The following RUNX1 variants were observed in gnomAD, a reference collection of about 807,000 sequenced individuals.
RUNX1 encodes runt-related transcription factor 1.
In RUNX1, 19 loss-of-function variants were observed where a neutral mutation model predicts 42.8. That is an observed-to-expected ratio of 0.44 (90% CI 0.31 to 0.65). The LOEUF (loss-of-function observed/expected upper bound fraction) is 0.65. RUNX1 is among the 30% of genes least tolerant of loss of function. The pLI, the probability that RUNX1 is intolerant of heterozygous loss-of-function variation, is 0.07. For missense variants in RUNX1, 528 were observed against 672.0 expected, an observed-to-expected ratio of 0.79 and a Z score of 2.37; for synonymous variants, 271 against 289.4, an observed-to-expected ratio of 0.94 and a Z score of 0.64.
In RUNX1 at chr21:35,045,948, T is replaced by G. The variant is rs143365361; in HGVS notation, c.58+2894A>C. 3.3e-5 allele frequency among the ~76,000 whole-genome samples: 5 copies of G among 152,226 alleles called. No individual in the cohort carries two copies. In the East Asian group the frequency reaches 9.7e-4, roughly 30 times the overall value. On this transcript the variant is annotated intron_variant, in intron 2 of 8. Transcript: ENST00000675419. ...GGCATGTGAGTGTTCAGGCTTTGCA[T>G]AGACCACTAAGCCACTTCTAAGAAC... is the stretch of plus-strand genomic sequence containing the variant.
At chr21:34,874,564 C>T (rs2057786092) in intron 5 of RUNX1, among the ~76,000 whole-genome samples, 1 of 128,710 alleles carries the variant, frequency 7.8e-6, no homozygotes. Context: ...GAGCTGAGAT[C>T]ACACCACTGC....
At position 34,992,124 on chromosome 21, in the gene RUNX1, G is replaced by C. The variant is rs186555332; in HGVS notation, c.58+56718C>G. Among the ~76,000 whole-genome samples the C allele has an allele frequency of 3.9e-4, 60 of 152,384 alleles. 1 individual carries two copies. The highest frequency in any genetic ancestry group is 1.3e-3 in the African/African-American group (56 of 41,596). ...AATGTGTTATGGCAAGCATGGGAAA[G>C]TAACGCACCCCCTCTCAGGAGAGTG... is the stretch of plus-strand genomic sequence containing the variant. On this transcript the variant is annotated intron_variant, in intron 2 of 8. Transcript: ENST00000675419.
At chr21:34,817,536 C>T (rs1348197486) in intron 7 of RUNX1, among the ~76,000 whole-genome samples, 1 of 152,144 alleles carries the variant, frequency 6.6e-6, no homozygotes, top group Admixed American at 6.5e-5. Context: ...TGAGTGACTG[C>T]TGGCACCTAA....
intron 6 of RUNX1, among the ~76,000 whole-genome samples, chr21:34,840,108 A>G (rs970630001): frequency 5.3e-5 from 8 of 152,158 alleles, no homozygotes; most frequent in African/African-American, 1.9e-4. Context: ...CTGTCATGAT[A>G]ATCAGTCTGA....
At position 34,894,916 on chromosome 21, in the gene RUNX1, CACACACACACACAT is replaced by C. The variant is rs1428012425; in HGVS notation, c.59-1967_59-1954del. The stretch of plus-strand genomic sequence containing the variant: ...ACACACACACACACACACACACACA[CACACACACACACAT>C]ATTCATATCTACATATAGGTCCACA... On this transcript the variant is annotated intron_variant, in intron 2 of 8. Coordinates refer to ENST00000675419, the MANE Select transcript of RUNX1 (RefSeq NM_001754.5). Among the ~76,000 whole-genome samples the C allele has an allele frequency of 3.8e-3, 550 of 146,564 alleles. 6 individuals carry two copies. Among genetic ancestry groups the C allele is most frequent in the African/African-American group, 0.013 (494 of 37,680 alleles).
At chr21:34,952,531 G>C (rs778874608) in intron 2 of RUNX1, among the ~76,000 whole-genome samples, 1 of 152,042 alleles carries the variant, frequency 6.6e-6, no homozygotes, top group African/African-American at 2.4e-5. Flanking sequence ...GCATGGAATG[G>C]GGTCAATATA....
chr21:34,881,503 G>A (rs1005676761), intron 4 of RUNX1, among the ~76,000 whole-genome samples: 2 of 152,100 alleles, frequency 1.3e-5, no homozygotes, highest in South Asian at 2.1e-4. Context: ...TCAGAAAGAC[G>A]GGACATTCAC....
chr21:34,873,915 A>T (rs565192012), intron 5 of RUNX1, among the ~76,000 whole-genome samples: 3 of 152,352 alleles, frequency 2.0e-5, no homozygotes, highest in African/African-American at 7.2e-5. Context: ...AAGTGCTGCG[A>T]TCTGTCCCCA....
intron 8 of RUNX1, among the ~76,000 whole-genome samples, chr21:34,798,985 A>C (rs994857654): frequency 2.0e-5 from 3 of 152,216 alleles, no homozygotes; most frequent in Non-Finnish European, 4.4e-5. Flanking sequence ...TGGAATAATG[A>C]GTCCTAAAAG....
intron 2 of RUNX1, among the ~76,000 whole-genome samples, chr21:34,970,625 T>G (rs2058757103): frequency 6.6e-6 from 1 of 152,122 alleles, no homozygotes; most frequent in Admixed American, 6.5e-5. Context: ...TGGTCAGAGG[T>G]CGTGTTCCAC....
At chr21:34,846,818 G>C (rs1331714181) in intron 6 of RUNX1, among the ~76,000 whole-genome samples, 1 of 152,214 alleles carries the variant, frequency 6.6e-6, no homozygotes, top group Non-Finnish European at 1.5e-5. Flanking sequence ...ATCACCCGAA[G>C]AATAGAACGG....
At chr21:35,022,624 G>A (rs569147346) in intron 2 of RUNX1, among the ~76,000 whole-genome samples, 1 of 152,320 alleles carries the variant, frequency 6.6e-6, no homozygotes, top group Non-Finnish European at 1.5e-5. Flanking sequence ...GCTGGGCGCT[G>A]TAGCTCAGGC....
chr21:34,808,064 A>C (rs2056705779), intron 7 of RUNX1, among the ~76,000 whole-genome samples: 1 of 152,228 alleles, frequency 6.6e-6, no homozygotes, highest in South Asian at 2.1e-4. Flanking sequence ...CCGGCTCAGC[A>C]CACTGTTGCT....
At chr21:35,046,653 C>T (rs2059398196) in intron 2 of RUNX1, among the ~76,000 whole-genome samples, 1 of 152,158 alleles carries the variant, frequency 6.6e-6, no homozygotes, top group South Asian at 2.1e-4. Context: ...ACCTCTCCGG[C>T]TTGGGTGAAT....
At chr21:34,802,168 G>A (rs554707651) in intron 7 of RUNX1, among the ~76,000 whole-genome samples, 4 of 152,206 alleles carry the variant, frequency 2.6e-5, no homozygotes, top group African/African-American at 4.8e-5. Flanking sequence ...AGGAGAGTAC[G>A]ATGGGAGTTA....
intron 3 of RUNX1, 146 bp from the exon 4 acceptor site, chr21:34,887,242 T>TGA: frequency 3.4e-6 from 1 of 295,698 alleles, no homozygotes; most frequent in Non-Finnish European, 4.1e-6. Context: ...CTGCGGGGGG[T>TGA]GGGGGGGGGC....
chr21:34,909,862 C>T (rs2058258174), intron 2 of RUNX1, among the ~76,000 whole-genome samples: 1 of 152,164 alleles, frequency 6.6e-6, no homozygotes, highest in South Asian at 2.1e-4. Context: ...TCTCCTCCTC[C>T]TCCTCCTGCT....
At chr21:34,885,932 GAT>G (rs1195463089) in intron 4 of RUNX1, among the ~76,000 whole-genome samples, 4 of 152,188 alleles carry the variant, frequency 2.6e-5, no homozygotes, top group African/African-American at 9.7e-5. Flanking sequence ...GTAGTAGGGT[GAT>G]TGTTTAGAAA....
intron 2 of RUNX1, among the ~76,000 whole-genome samples, chr21:35,045,953 C>T (rs904846552): frequency 2.0e-5 from 3 of 152,044 alleles, no homozygotes; most frequent in Non-Finnish European, 4.4e-5. Context: ...TTGCATAGAC[C>T]ACTAAGCCAC....
Sources: gnomAD v4.1 joint callset for allele counts (sites outside exome capture counted in the v4.1 genomes callset) on GRCh38, gnomAD v4.1.1 for gene constraint, MANE v1.5 for transcripts, NCBI Gene and HGNC (gene_info 2026-07-23, HGNC 2026-07-21) for gene names.